Variants in MACROD2 observed in about 807,000 individuals in gnomAD.
MACROD2 encodes the protein mono-ADP ribosylhydrolase 2.
Under a neutral mutation model 70.4 loss-of-function variants are expected in MACROD2, and 36 were observed. The observed-to-expected ratio is 0.51, with a 90% confidence interval of 0.39 to 0.68. The LOEUF is 0.68. MACROD2 is among the 30% of genes least tolerant of loss of function. MACROD2 has a pLI of 0.00. For missense variants in MACROD2, 496 were observed against 538.4 expected, an observed-to-expected ratio of 0.92 and a Z score of 0.78; for synonymous variants, 172 against 178.8, an observed-to-expected ratio of 0.96 and a Z score of 0.30.
Position 15,187,898 on chromosome 20 carries a change from T to C in MACROD2, c.419-42042T>C, listed in dbSNP as rs150460995. 3.4e-4 allele frequency among the ~76,000 whole-genome samples: 51 copies of C among 152,146 alleles called. 1 individual carries two copies. In the East Asian group the frequency reaches 8.7e-3, roughly 26 times the overall value. ...TTTAAAAATTGTTTCACAAGGGAGG[T>C]TCAAAAAAGTTGTGTTTTTCTTCCT... On this transcript the variant is annotated intron_variant, in intron 5 of 17. Coordinates refer to ENST00000684519, the MANE Select transcript of MACROD2 (RefSeq NM_001351661.2).
intron 5 of MACROD2, among the ~76,000 whole-genome samples, chr20:15,077,618 T>A (rs2075668238): frequency 6.6e-6 from 1 of 152,214 alleles, no homozygotes; most frequent in Non-Finnish European, 1.5e-5. Context: ...GCTGATTTCC[T>A]CCTCTAGAGT....
chr20:15,960,996 C>T lies in MACROD2; in HGVS notation c.908-6557C>T, dbSNP rs936192975. Among the ~76,000 whole-genome samples, 6 of 152,226 alleles carry T rather than the reference C, an allele frequency of 3.9e-5. No individual in the cohort carries two copies. In the South Asian group the frequency reaches 1.2e-3, roughly 32 times the overall value. ...AGAAGAGTGAATCCAGCCTTTGAACCTTTACTACAACAATTTATAATTTTT... is the reference window on the plus strand; with the variant it reads ...AGAAGAGTGAATCCAGCCTTTGAACTTTTACTACAACAATTTATAATTTTT... On this transcript the variant is annotated intron_variant, in intron 12 of 17. Coordinates refer to ENST00000684519, the MANE Select transcript of MACROD2 (RefSeq NM_001351661.2).
chr20:15,318,502 A>T (rs2077838724), intron 6 of MACROD2, among the ~76,000 whole-genome samples: 1 of 152,164 alleles, frequency 6.6e-6, no homozygotes, highest in Admixed American at 6.5e-5. Context: ...CCAAAGCCAG[A>T]CAAAGACATC....
At chr20:15,750,919 TTTTG>T (rs143244983) in intron 8 of MACROD2, among the ~76,000 whole-genome samples, 17,041 of 151,826 alleles carry the variant, frequency 0.11, 1,071 homozygotes, top group Admixed American at 0.14. Flanking sequence ...AGAGGTGTTT[TTTTG>T]TTTGTTTGTT....
intron 15 of MACROD2, among the ~76,000 whole-genome samples, chr20:16,031,376 C>G (rs1018124256): frequency 1.3e-5 from 2 of 152,108 alleles, no homozygotes; most frequent in South Asian, 2.1e-4. Flanking sequence ...TTATCATGCT[C>G]TAAGTGATCT....
intron 5 of MACROD2, among the ~76,000 whole-genome samples, chr20:14,746,016 A>G (rs1349475513): frequency 1.3e-5 from 2 of 151,930 alleles, no homozygotes; most frequent in Non-Finnish European, 2.9e-5. Flanking sequence ...AAGTCCCCAC[A>G]CCCCGCCCCA....
At chr20:14,318,459 G>A (rs572997273) in intron 3 of MACROD2, among the ~76,000 whole-genome samples, 13 of 152,280 alleles carry the variant, frequency 8.5e-5, no homozygotes, top group Middle Eastern at 3.4e-3. Flanking sequence ...AGTGGGAGGG[G>A]TTCATAATGT....
chr20:15,436,676 T>C (rs952163318), intron 7 of MACROD2, among the ~76,000 whole-genome samples: 26 of 152,160 alleles, frequency 1.7e-4, no homozygotes, highest in African/African-American at 5.3e-4. Flanking sequence ...TTGCTCTTAT[T>C]TGAAGCCCTC....
At chr20:14,721,277 A>G (rs946365387) in intron 5 of MACROD2, among the ~76,000 whole-genome samples, 5 of 151,440 alleles carry the variant, frequency 3.3e-5, no homozygotes, top group African/African-American at 1.2e-4. Flanking sequence ...AAAAGAAAAG[A>G]AAAAGAAAAG....
chr20:15,877,240 A>G (rs927860259), intron 9 of MACROD2, among the ~76,000 whole-genome samples: 2 of 152,096 alleles, frequency 1.3e-5, no homozygotes, highest in Non-Finnish European at 2.9e-5. Flanking sequence ...TCAACTGAAC[A>G]TATCCAAAAT....
chr20:15,989,072 T>A (rs115654335), intron 15 of MACROD2, among the ~76,000 whole-genome samples: 2,651 of 152,240 alleles, frequency 0.017, 85 homozygotes, highest in African/African-American at 0.06. Flanking sequence ...TCACATATAG[T>A]TATGGTGCAA....
intron 7 of MACROD2, among the ~76,000 whole-genome samples, chr20:15,434,043 C>G (rs1000579814): frequency 6.6e-6 from 1 of 152,006 alleles, no homozygotes; most frequent in Admixed American, 6.6e-5. Flanking sequence ...AAAATCAACT[C>G]AAGATGGAGC....
intron 5 of MACROD2, among the ~76,000 whole-genome samples, chr20:15,084,378 T>C (rs1367778052): frequency 2.0e-5 from 3 of 152,198 alleles, no homozygotes; most frequent in African/African-American, 7.2e-5. Context: ...AACTAGTTTT[T>C]CTTACCATCT....
chr20:16,004,327 G>A (rs750070725), intron 15 of MACROD2, among the ~76,000 whole-genome samples: 1 of 152,208 alleles, frequency 6.6e-6, no homozygotes, highest in Non-Finnish European at 1.5e-5. Context: ...GCGTGCCTAG[G>A]TTAGAAGAGT....
chr20:15,901,062 G>C (rs2065056344), intron 10 of MACROD2, among the ~76,000 whole-genome samples: 1 of 152,094 alleles, frequency 6.6e-6, no homozygotes. Context: ...CTTTTAATGT[G>C]AACAAAATAC....
At chr20:15,555,140 G>T (rs1179637375) in intron 8 of MACROD2, among the ~76,000 whole-genome samples, 1 of 152,188 alleles carries the variant, frequency 6.6e-6, no homozygotes, top group African/African-American at 2.4e-5. Context: ...GGGGATCCCA[G>T]TGGGTGGGTG....
At chr20:14,258,600 T>G (rs997278569) in intron 3 of MACROD2, among the ~76,000 whole-genome samples, 1 of 152,326 alleles carries the variant, frequency 6.6e-6, no homozygotes, top group African/African-American at 2.4e-5. Context: ...CCCTGTAGAT[T>G]CTGGATATTA....
intron 5 of MACROD2, among the ~76,000 whole-genome samples, chr20:14,916,873 A>T (rs1408263067): frequency 2.6e-5 from 4 of 152,110 alleles, no homozygotes; most frequent in Non-Finnish European, 5.9e-5. Flanking sequence ...ATGGAAAAAA[A>T]TATATCTTTT....
chr20:15,104,711 G>T (rs1160689369), intron 5 of MACROD2, among the ~76,000 whole-genome samples: 2 of 152,008 alleles, frequency 1.3e-5, no homozygotes, highest in South Asian at 2.1e-4. Flanking sequence ...TTCTTTTCCT[G>T]CTATTACGCT....
Sources: gnomAD v4.1 joint callset for allele counts (sites outside exome capture counted in the v4.1 genomes callset) on GRCh38, gnomAD v4.1.1 for gene constraint, MANE v1.5 for transcripts, NCBI Gene and HGNC (gene_info 2026-07-23, HGNC 2026-07-21) for gene names.